Variants in CNBD1 observed in about 807,000 individuals in gnomAD.
CNBD1 encodes the protein cyclic nucleotide binding domain containing 1.
Under a neutral mutation model 54.4 loss-of-function variants are expected in CNBD1, and 71 were observed. That is an observed-to-expected ratio of 1.30 (90% CI 1.08 to 1.59). CNBD1 has a LOEUF of 1.59. Among genes scored for constraint, CNBD1 ranks in the 40% most tolerant of loss-of-function variants. The probability of loss-of-function intolerance (pLI) is 0.00; values close to 1 mark genes in which losing one functional copy is unlikely to be tolerated. For missense variants in CNBD1, 659 were observed against 518.0 expected (o/e 1.27, Z -2.64); for synonymous variants, 182 against 170.7 (o/e 1.07, Z -0.51).
At chr8:87,347,025 A>G (rs1383027966) in intron 8 of CNBD1, among the ~76,000 whole-genome samples, 1 of 152,138 alleles carries the variant, frequency 6.6e-6, no homozygotes, top group African/African-American at 2.4e-5. Context: ...GGCTTTTTCC[A>G]CTTCACCCAC....
intron 4 of CNBD1, among the ~76,000 whole-genome samples, chr8:86,964,795 G>A (rs1177818654): frequency 6.6e-6 from 1 of 152,132 alleles, no homozygotes; most frequent in African/African-American, 2.4e-5. Flanking sequence ...CCAGTTCCCT[G>A]GGATTGACCC....
intron 3 of CNBD1, among the ~76,000 whole-genome samples, chr8:86,929,306 A>T (rs778195353): frequency 1.1e-4 from 16 of 152,210 alleles, no homozygotes; most frequent in Non-Finnish European, 2.4e-4. Context: ...TTAGAGAAGC[A>T]TACTTGCTAT....
intron 4 of CNBD1, among the ~76,000 whole-genome samples, chr8:87,168,721 A>G (rs190140347): frequency 6.6e-6 from 1 of 152,130 alleles, no homozygotes; most frequent in East Asian, 1.9e-4. Context: ...ACTTAACATA[A>G]TGACCTCCAG....
chr8:87,222,954 T>C lies in CNBD1; in HGVS notation c.578-13965T>C, dbSNP rs150078699. Among the ~76,000 whole-genome samples, 1,343 of 152,142 alleles carry C rather than the reference T, an allele frequency of 8.8e-3. 20 individuals carry two copies. The highest frequency in any genetic ancestry group is 0.027 in the African/African-American group (1,117 of 41,534). ...TATATAAATACTTTTATGAAACTTA[T>C]TCCTAACCAACTTGATTTTGATAAA... is the stretch of plus-strand genomic sequence containing the variant. On this transcript the variant is annotated intron_variant, in intron 5 of 10. Coordinates refer to ENST00000518476, the MANE Select transcript of CNBD1 (RefSeq NM_173538.3).
chr8:87,103,302 C>T (rs1331783869), intron 4 of CNBD1, among the ~76,000 whole-genome samples: 4 of 152,070 alleles, frequency 2.6e-5, no homozygotes, highest in African/African-American at 7.2e-5. Flanking sequence ...TTATTCTGGG[C>T]CATGCACTCT....
intron 4 of CNBD1, among the ~76,000 whole-genome samples, chr8:87,002,091 AATGGTTT>A (rs1809004583): frequency 6.6e-6 from 1 of 152,166 alleles, no homozygotes; most frequent in African/African-American, 2.4e-5. Flanking sequence ...TTCACATACA[AATGGTTT>A]AGGCTCCAAG....
chr8:87,411,454 C>T (rs1807746115), intron 2 of CNBD1, among the ~76,000 whole-genome samples: 1 of 135,446 alleles, frequency 7.4e-6, no homozygotes, highest in South Asian at 2.4e-4. Context: ...TTTAAAAACT[C>T]ATTCTACATT....
At chr8:87,047,023 G>A (rs1293888857) in intron 4 of CNBD1, among the ~76,000 whole-genome samples, 1 of 152,184 alleles carries the variant, frequency 6.6e-6, no homozygotes, top group East Asian at 1.9e-4. Flanking sequence ...GTTAGGAGGC[G>A]TGGATGGGTT....
At chr8:87,145,353 CATGG>C (rs1211090226) in intron 4 of CNBD1, among the ~76,000 whole-genome samples, 2 of 152,060 alleles carry the variant, frequency 1.3e-5, no homozygotes, top group East Asian at 3.9e-4. Flanking sequence ...AAATATCTTT[CATGG>C]ATGAAGGCAA....
At chr8:87,255,030 G>A (rs1586366879) in intron 6 of CNBD1, among the ~76,000 whole-genome samples, 2 of 152,058 alleles carry the variant, frequency 1.3e-5, no homozygotes, top group East Asian at 3.9e-4. Context: ...CATTCAGTAT[G>A]GCCTATGTGC....
At chr8:87,148,032 A>G (rs995684382) in intron 4 of CNBD1, among the ~76,000 whole-genome samples, 2 of 152,150 alleles carry the variant, frequency 1.3e-5, no homozygotes, top group African/African-American at 4.8e-5. Flanking sequence ...AGAGTTTTTT[A>G]AAAAGTGTAT....
intron 6 of CNBD1, among the ~76,000 whole-genome samples, chr8:87,279,983 T>A (rs1412119076): frequency 1.3e-5 from 2 of 151,552 alleles, no homozygotes; most frequent in South Asian, 2.1e-4. Flanking sequence ...ATTTTTTTTC[T>A]ATAATTGAAA....
chr8:87,334,483 G>C (rs1809901165), intron 8 of CNBD1, among the ~76,000 whole-genome samples: 1 of 151,832 alleles, frequency 6.6e-6, no homozygotes, highest in African/African-American at 2.4e-5. Context: ...GTGTTGATTT[G>C]AGATATCTCT....
chr8:87,279,114 A>T lies in CNBD1; in HGVS notation c.772-5564A>T, dbSNP rs907750857. Among the ~76,000 whole-genome samples the T allele has an allele frequency of 4.0e-5, 6 of 151,450 alleles. No homozygotes were observed. In the Admixed American group the frequency reaches 4.0e-4, roughly 10 times the overall value. The stretch of plus-strand genomic sequence containing the variant: ...TTTATCATAGATACATATGTAAAGA[A>T]AAAAACACATATAGGATTCAGTATT... On this transcript the variant is annotated intron_variant, in intron 6 of 10. Transcript: ENST00000518476.
chr8:87,083,302 C>T (rs558844280), intron 4 of CNBD1, among the ~76,000 whole-genome samples: 6 of 152,156 alleles, frequency 3.9e-5, no homozygotes, highest in Non-Finnish European at 8.8e-5. Flanking sequence ...TTCTTCCAGG[C>T]CCTCCTAATC....
At chr8:87,317,435 C>T (rs930364986) in intron 8 of CNBD1, among the ~76,000 whole-genome samples, 1 of 151,414 alleles carries the variant, frequency 6.6e-6, no homozygotes, top group African/African-American at 2.4e-5. Flanking sequence ...CTCCTTGGCC[C>T]ATGGTTTACT....
intron 4 of CNBD1, among the ~76,000 whole-genome samples, chr8:87,192,981 T>G (rs1813644141): frequency 6.6e-6 from 1 of 152,140 alleles, no homozygotes; most frequent in Non-Finnish European, 1.5e-5. Flanking sequence ...AGAAAATAAG[T>G]GGTAATCGCT....
intron 8 of CNBD1, among the ~76,000 whole-genome samples, chr8:87,289,566 G>A (rs1808750875): frequency 6.6e-6 from 1 of 152,020 alleles, no homozygotes; most frequent in East Asian, 1.9e-4. Flanking sequence ...TTGTTTTCTT[G>A]CTTATGTCAG....
chr8:87,226,053 G>T (rs1331172830), intron 5 of CNBD1, among the ~76,000 whole-genome samples: 7 of 151,896 alleles, frequency 4.6e-5, no homozygotes, highest in Non-Finnish European at 8.8e-5. Context: ...ATTCTCTGAT[G>T]GTAGTTTGTA....
Sources: allele counts gnomAD v4.1 joint callset (sites outside exome capture counted in the v4.1 genomes callset), GRCh38; gene constraint gnomAD v4.1.1; transcripts MANE v1.5; gene names NCBI Gene and HGNC (gene_info 2026-07-23, HGNC 2026-07-21).